The following CREG1 variants were observed in gnomAD, a reference collection of about 807,000 sequenced individuals.
CREG1 encodes the protein cellular repressor of E1A stimulated genes 1, also known as protein CREG1.
In CREG1, 20 loss-of-function variants were observed where a neutral mutation model predicts 19.9. The observed-to-expected ratio is 1.01, with a 90% CI of 0.71 to 1.46. The LOEUF (loss-of-function observed/expected upper bound fraction) is 1.46, where lower values mean the gene tolerates loss of function less well. CREG1 is among the 40% of genes most tolerant of loss of function. CREG1 has a pLI of 0.00. For missense variants in CREG1, 290 were observed against 314.9 expected, an observed-to-expected ratio of 0.92 and a Z score of 0.60; for synonymous variants, 141 against 143.3, an observed-to-expected ratio of 0.98 and a Z score of 0.12.
At chr1:167,552,224 G>T (rs1172584662) in intron 1 of CREG1, among the ~76,000 whole-genome samples, 1 of 152,172 alleles carries the variant, frequency 6.6e-6, no homozygotes, top group African/African-American at 2.4e-5. Context: ...GCAGAATGGG[G>T]TATATAATAC....
chr1:167,543,793 T>G (rs936987144), intron 3 of CREG1, among the ~76,000 whole-genome samples: 5 of 151,534 alleles, frequency 3.3e-5, no homozygotes, highest in Non-Finnish European at 7.4e-5. Context: ...CTCTAGCCTT[T>G]GGGCCGCCTC....
At chr1:167,548,308 G>T (rs541979271) in intron 1 of CREG1, among the ~76,000 whole-genome samples, 187 bp from the exon 2 acceptor site, 2 of 152,264 alleles carry the variant, frequency 1.3e-5, no homozygotes, top group East Asian at 1.9e-4. Flanking sequence ...CTCCCCAAAG[G>T]GGGTGCGGGG....
At chr1:167,552,360 G>A (rs1239688374) in intron 1 of CREG1, among the ~76,000 whole-genome samples, 1 of 152,252 alleles carries the variant, frequency 6.6e-6, no homozygotes, top group African/African-American at 2.4e-5. Flanking sequence ...GAACTCAAAT[G>A]TGAGAGCTTT....
chr1:167,546,097 T>C lies in CREG1; in HGVS notation c.659+4A>G. On this transcript the variant is annotated splice_donor_region_variant and intron_variant, in intron 3 of 3. Coordinates refer to ENST00000370509, the MANE Select transcript of CREG1 (RefSeq NM_003851.3). Reference sequence around the variant, plus strand: ...TCTTAGGTGAAAGATGTGTAAGTACTTACTGAACTGTGACATTATAATATT... The same window carrying C: ...TCTTAGGTGAAAGATGTGTAAGTACCTACTGAACTGTGACATTATAATATT... The C allele has an allele frequency of 6.3e-7, 1 of 1,593,318 alleles. No homozygotes were observed. The highest frequency in any genetic ancestry group is 8.5e-7 in the Non-Finnish European group (1 of 1,169,992).
chr1:167,545,032 A>C (rs780708721), intron 3 of CREG1, among the ~76,000 whole-genome samples: 2 of 151,868 alleles, frequency 1.3e-5, no homozygotes, highest in Admixed American at 6.6e-5. Flanking sequence ...CCTGGGCTTT[A>C]TTTTCTCCCA....
At chr1:167,553,352 A>AC (rs1437120465) in intron 1 of CREG1, 36 bp downstream of exon 1, 4 of 1,331,376 alleles carry the variant, frequency 3.0e-6, no homozygotes, top group Non-Finnish European at 2.9e-6. Context: ...CGCCCCGCCC[A>AC]CAGCCCGCCT....
chr1:167,542,212 T>C lies in CREG1; in HGVS notation c.*86A>G. On this transcript the variant is annotated 3_prime_UTR_variant, in exon 4 of 4. Coordinates refer to ENST00000370509, the MANE Select transcript of CREG1 (RefSeq NM_003851.3). ...AAAACTGGCTAATATTCTGGGACGC[T>C]TTCCAGAGAAACATTAAGCCTTTTA... 7.9e-7 allele frequency: 1 copy of C among 1,262,996 alleles called. No individual in the cohort carries two copies. Among genetic ancestry groups the C allele is most frequent in the South Asian group, 1.6e-5 (1 of 63,760 alleles). 78.2% of individuals were successfully genotyped at this position (1,262,996 alleles called of 1,614,324 possible).
At chr1:167,549,390 G>GT (rs5778557) in intron 1 of CREG1, among the ~76,000 whole-genome samples, 1 of 141,086 alleles carries the variant, frequency 7.1e-6, no homozygotes, top group Non-Finnish European at 1.6e-5. Context: ...ATTTTTTTTT[G>GT]TTTTTTTTTT....
chr1:167,543,487 G>A (rs1045787191), intron 3 of CREG1, among the ~76,000 whole-genome samples: 6 of 132,400 alleles, frequency 4.5e-5, no homozygotes, highest in African/African-American at 1.2e-4. Context: ...TTCCAAAACC[G>A]ATCTGGGCAA....
chr1:167,545,980 G>T, intron 3 of CREG1, 121 bp downstream of exon 3: 2 of 609,048 alleles, frequency 3.3e-6, no homozygotes, highest in Non-Finnish European at 5.4e-6. Context: ...AGGGGTCAGC[G>T]GCTTTACCAG....
chr1:167,552,973 G>A (rs1017368778), intron 1 of CREG1, among the ~76,000 whole-genome samples: 30 of 152,094 alleles, frequency 2.0e-4, no homozygotes, highest in Admixed American at 1.6e-3. Flanking sequence ...CTTGAACCTG[G>A]GAGGCAGAGG....
chr1:167,553,088 TAG>T (rs1656448343), intron 1 of CREG1, among the ~76,000 whole-genome samples: 1 of 149,050 alleles, frequency 6.7e-6, no homozygotes, highest in Non-Finnish European at 1.5e-5. Context: ...GCACAGTTAA[TAG>T]AGACACTGGG....
At position 167,542,192 on chromosome 1, in the gene CREG1, T is replaced by C; in HGVS notation, c.*106A>G. 2.0e-6 allele frequency: 2 copies of C among 986,998 alleles called. No homozygotes were observed. The highest frequency in any genetic ancestry group is 4.0e-5 in the South Asian group (2 of 50,458). The allele number at this position is 986,998 out of a possible 1,614,324, so 61.1% of individuals were successfully genotyped here. A position where few individuals can be genotyped will look rare whatever the true frequency, so the allele number is the denominator to read the frequency against. On this transcript the variant is annotated 3_prime_UTR_variant, in exon 4 of 4. Transcript: ENST00000370509. ...AACAAACCAGCATGTGACAGAAAACTGGCTAATATTCTGGGACGCTTTCCA... is the reference window on the plus strand; with the variant it reads ...AACAAACCAGCATGTGACAGAAAACCGGCTAATATTCTGGGACGCTTTCCA...
Position 167,553,398 on chromosome 1 carries a change from C to T in CREG1, c.344G>A (p.Ser115Asn), listed in dbSNP as rs765631682. ...FYLSPLQLSV[S>N]NLQENPYATL... ...CGGGCCCCAGCTCACCTGCAGGTTG[C>T]TCACGGAGAGCTGCAGCGGGCTCAG... The change falls in exon 1 of 4, where the codon AGC becomes AAC. Residue 115 changes from serine to asparagine, a missense_variant. By Grantham distance (46) the Ser-to-Asn change is conservative. Coordinates refer to ENST00000370509, the MANE Select transcript of CREG1 (RefSeq NM_003851.3). 1.4e-6 allele frequency: 2 copies of T among 1,431,960 alleles called. No homozygotes were observed. Among genetic ancestry groups the T allele is most frequent in the South Asian group, 2.8e-5 (2 of 71,706 alleles). The allele number at this position is 1,431,960 out of a possible 1,614,324, so 88.7% of individuals were successfully genotyped here. A position where few individuals can be genotyped will look rare whatever the true frequency, so the allele number is the denominator to read the frequency against.
chr1:167,545,379 T>C (rs1207393260), intron 3 of CREG1, among the ~76,000 whole-genome samples: 5 of 152,168 alleles, frequency 3.3e-5, no homozygotes, highest in Admixed American at 6.5e-5. Context: ...GAATGTATCA[T>C]TTCCTTCAAT....
At chr1:167,545,139 T>A (rs999831956) in intron 3 of CREG1, among the ~76,000 whole-genome samples, 1 of 152,054 alleles carries the variant, frequency 6.6e-6, no homozygotes. Flanking sequence ...GCTGATGGGA[T>A]GGGGTTACTT....
chr1:167,546,367 G>T (rs536554571), intron 2 of CREG1, 82 bp from the exon 3 acceptor site: 2 of 996,424 alleles, frequency 2.0e-6, no homozygotes, highest in African/African-American at 1.6e-5. Flanking sequence ...GATTAGGCCG[G>T]GTGCAGTGGT....
intron 2 of CREG1, among the ~76,000 whole-genome samples, chr1:167,547,687 G>A (rs1656353358): frequency 6.6e-6 from 1 of 152,094 alleles, no homozygotes; most frequent in South Asian, 2.1e-4. Flanking sequence ...TTGGGAGGTC[G>A]AGGTGGGTGG....
At chr1:167,551,446 C>A (rs1656421915) in intron 1 of CREG1, among the ~76,000 whole-genome samples, 2 of 152,164 alleles carry the variant, frequency 1.3e-5, no homozygotes, top group Non-Finnish European at 2.9e-5. Context: ...AGGTTCCTTG[C>A]CACTGCCCTG....
Sources: gnomAD v4.1 joint callset for allele counts (sites outside exome capture counted in the v4.1 genomes callset) on GRCh38, gnomAD v4.1.1 for gene constraint, MANE v1.5 for transcripts, NCBI Gene and HGNC (gene_info 2026-07-23, HGNC 2026-07-21) for gene names.